The following ELF2 variants were observed in gnomAD, a reference collection of about 807,000 sequenced individuals.
The protein encoded by ELF2 is E74 like ETS transcription factor 2.
Under a neutral mutation model 54.8 loss-of-function variants are expected in ELF2, and 11 were observed. That is an observed-to-expected ratio of 0.20 (90% CI 0.13 to 0.33). The LOEUF is 0.33. ELF2 is among the 10% of genes least tolerant of loss of function. ELF2 has a pLI of 1.00. For missense variants in ELF2, 513 were observed against 703.0 expected (o/e 0.73, Z 3.06); for synonymous variants, 203 against 245.1 (o/e 0.83, Z 1.61).
chr4:139,112,591 T>C (rs1735063509), intron 4 of ELF2, among the ~76,000 whole-genome samples: 3 of 152,236 alleles, frequency 2.0e-5, no homozygotes, highest in African/African-American at 7.2e-5. Flanking sequence ...TTGGCAACAC[T>C]TGTAACCTTG....
chr4:139,075,267 C>T (rs980625933), intron 4 of ELF2, among the ~76,000 whole-genome samples: 28 of 152,142 alleles, frequency 1.8e-4, no homozygotes, highest in African/African-American at 6.5e-4. Flanking sequence ...ATTTCTGTTA[C>T]CTGAGGTAAG....
At chr4:139,160,371 A>G (rs971058302) in intron 1 of ELF2, among the ~76,000 whole-genome samples, 1 of 152,218 alleles carries the variant, frequency 6.6e-6, no homozygotes, top group Non-Finnish European at 1.5e-5. Flanking sequence ...TCTCAGAGTC[A>G]TGTGTAAAAA....
At chr4:139,078,151 T>C (rs1730581099) in intron 4 of ELF2, among the ~76,000 whole-genome samples, 1 of 152,166 alleles carries the variant, frequency 6.6e-6, no homozygotes, top group African/African-American at 2.4e-5. Flanking sequence ...AATACCAAAC[T>C]TGGTAATTAA....
intron 4 of ELF2, among the ~76,000 whole-genome samples, chr4:139,117,352 T>C (rs966875220): frequency 6.6e-6 from 1 of 152,238 alleles, no homozygotes; most frequent in Non-Finnish European, 1.5e-5. Flanking sequence ...TTAGGGGTGA[T>C]GATTTTCAGT....
At chr4:139,084,510 G>A (rs1470718605) in intron 4 of ELF2, 11 of 824,924 alleles carry the variant, frequency 1.3e-5, no homozygotes, top group Non-Finnish European at 1.5e-5. Context: ...CTTCCGCCCC[G>A]CGCCCAAACA....
intron 4 of ELF2, among the ~76,000 whole-genome samples, chr4:139,112,593 G>A (rs1735063739): frequency 6.6e-6 from 1 of 152,166 alleles, no homozygotes; most frequent in Non-Finnish European, 1.5e-5. Flanking sequence ...GGCAACACTT[G>A]TAACCTTGTT....
rs1727232682 is a variant in ELF2, at chr4:139,057,698, G to A, written c.*1285C>T. ...AGTTCATCATAATTAGAAAGAAACTGGCAACATGCAGATATTTGCCAAATA... is the reference window on the plus strand; with the variant it reads ...AGTTCATCATAATTAGAAAGAAACTAGCAACATGCAGATATTTGCCAAATA... On this transcript the variant is annotated 3_prime_UTR_variant, in exon 10 of 10. Coordinates refer to ENST00000686138, the MANE Select transcript of ELF2 (RefSeq NM_001331036.3). 1 of 152,170 alleles carries A rather than the reference G, an allele frequency of 6.6e-6. No homozygotes were observed. The highest frequency in any genetic ancestry group is 2.1e-4 in the South Asian group (1 of 4,830). The allele number at this position is 152,170 out of a possible 1,614,324, so 9.4% of individuals were successfully genotyped here.
chr4:139,112,878 G>C (rs1242663366), intron 4 of ELF2, among the ~76,000 whole-genome samples: 2 of 148,930 alleles, frequency 1.3e-5, no homozygotes, highest in Non-Finnish European at 3.0e-5. Context: ...CTGAGTGACG[G>C]AACAAGACTC....
At chr4:139,132,867 TATATATAA>T (rs1479249549) in intron 3 of ELF2, among the ~76,000 whole-genome samples, 16 of 95,946 alleles carry the variant, frequency 1.7e-4, no homozygotes, top group Admixed American at 7.9e-4. Context: ...TATATATATA[TATATATAA>T]AATATGTAAT....
chr4:139,156,119 GACACTGAGTTATCCAGTTA>G (rs1187912597), intron 1 of ELF2, among the ~76,000 whole-genome samples: 36 of 152,194 alleles, frequency 2.4e-4, no homozygotes, highest in African/African-American at 8.2e-4. Flanking sequence ...TCATGGCCTT[GACACTGAGTTATCCAGTTA>G]ACATGTTATT....
At chr4:139,122,281 T>G (rs1286061906) in intron 4 of ELF2, among the ~76,000 whole-genome samples, 1 of 152,218 alleles carries the variant, frequency 6.6e-6, no homozygotes, top group African/African-American at 2.4e-5. Flanking sequence ...TAAGCATTCC[T>G]TTTCTTCCCA....
At chr4:139,157,286 C>T (rs1740643045) in intron 1 of ELF2, among the ~76,000 whole-genome samples, 1 of 152,170 alleles carries the variant, frequency 6.6e-6, no homozygotes, top group African/African-American at 2.4e-5. Context: ...TCTTACAGGA[C>T]TACTGTTGTG....
chr4:139,137,973 G>C (rs1738343620), intron 2 of ELF2, 106 bp from the exon 3 acceptor site: 2 of 779,766 alleles, frequency 2.6e-6, no homozygotes, highest in African/African-American at 3.6e-5. Context: ...CTAAGAAAAA[G>C]AAGACAGGCT....
intron 1 of ELF2, among the ~76,000 whole-genome samples, chr4:139,157,326 T>G (rs1740646025): frequency 6.6e-6 from 1 of 152,206 alleles, no homozygotes; most frequent in South Asian, 2.1e-4. Flanking sequence ...TAAAATATCA[T>G]TAATCTCTCT....
intron 5 of ELF2, among the ~76,000 whole-genome samples, chr4:139,072,981 G>A (rs1354097304): frequency 1.3e-5 from 2 of 152,094 alleles, no homozygotes; most frequent in Admixed American, 6.5e-5. Flanking sequence ...TAAAGACTAA[G>A]AGGGACCACA....
chr4:139,151,082 A>G lies in ELF2; in HGVS notation c.-251-11585T>C, dbSNP rs143464632. Among the ~76,000 whole-genome samples the G allele has an allele frequency of 6.3e-3, 769 of 121,922 alleles. 19 individuals carry two copies. Among genetic ancestry groups the G allele is most frequent in the Non-Finnish European group, 0.01 (590 of 57,736 alleles). The allele number at this position is 121,922 out of a possible 152,430, so 80.0% of individuals were successfully genotyped here. On this transcript the variant is annotated intron_variant, in intron 1 of 9. Coordinates refer to ENST00000686138, the MANE Select transcript of ELF2 (RefSeq NM_001331036.3). The stretch of plus-strand genomic sequence containing the variant: ...AAAGAAAGAAAGAAAGAAAGAAAGA[A>G]AGAAAGAAAGAAAAAGAGAGCTATT...
intron 7 of ELF2, among the ~76,000 whole-genome samples, chr4:139,064,258 A>AGATCACG (rs2148669712): frequency 6.6e-6 from 1 of 152,378 alleles, no homozygotes; most frequent in South Asian, 2.1e-4. Flanking sequence ...CAGTGAGCAG[A>AGATCACG]GATCACGCCA....
intron 4 of ELF2, chr4:139,084,479 G>A (rs1731736131): frequency 3.9e-6 from 4 of 1,019,712 alleles, no homozygotes; most frequent in Non-Finnish European, 4.8e-6. Flanking sequence ...TGTGGCGGCC[G>A]CCGCAGCTGG....
chr4:139,065,115 C>T (rs1304149189), intron 7 of ELF2, among the ~76,000 whole-genome samples: 1 of 152,114 alleles, frequency 6.6e-6, no homozygotes, highest in Non-Finnish European at 1.5e-5. Context: ...AGACAATGCC[C>T]TGTACATAAG....
Sources: allele counts gnomAD v4.1 joint callset (sites outside exome capture counted in the v4.1 genomes callset), GRCh38; gene constraint gnomAD v4.1.1; transcripts MANE v1.5; gene names NCBI Gene and HGNC (gene_info 2026-07-23, HGNC 2026-07-21).